Variants in KLHL32 observed in about 807,000 individuals in gnomAD.
KLHL32 encodes kelch like family member 32.
A neutral mutation model predicts 64.8 loss-of-function variants in KLHL32; 35 were observed. That is an observed-to-expected ratio of 0.54 (90% CI 0.41 to 0.72). KLHL32 has a LOEUF of 0.72. Among genes scored for constraint, KLHL32 ranks in the 30% least tolerant of loss-of-function variants. The pLI, the probability that KLHL32 is intolerant of heterozygous loss-of-function variation, is 0.00. For synonymous variants in KLHL32, 259 were observed against 281.0 expected (o/e 0.92, Z 0.78); for missense variants, 589 against 768.5 (o/e 0.77, Z 2.76).
At chr6:97,037,462 A>G (rs1248326463) in intron 3 of KLHL32, among the ~76,000 whole-genome samples, 1 of 152,186 alleles carries the variant, frequency 6.6e-6, no homozygotes, top group Admixed American at 6.5e-5. Context: ...TAAAATACCT[A>G]GGAATCAATT....
At chr6:97,063,141 A>C (rs1316387524) in intron 4 of KLHL32, among the ~76,000 whole-genome samples, 1 of 152,246 alleles carries the variant, frequency 6.6e-6, no homozygotes, top group Non-Finnish European at 1.5e-5. Context: ...TTATTAAAAC[A>C]GATAGTGTGA....
intron 4 of KLHL32, among the ~76,000 whole-genome samples, chr6:97,062,871 G>T (rs1789136240): frequency 1.3e-5 from 2 of 152,314 alleles, no homozygotes; most frequent in African/African-American, 2.4e-5. Context: ...GCTGTTCAGG[G>T]GTGGGTTACT....
chr6:97,128,753 CCTCT>C (rs1412972406), intron 8 of KLHL32, among the ~76,000 whole-genome samples: 2 of 152,340 alleles, frequency 1.3e-5, no homozygotes, highest in African/African-American at 2.4e-5. Flanking sequence ...CCCCACCAGG[CCTCT>C]CTGTTTCTTT....
At chr6:97,007,830 C>T (rs886924915) in intron 3 of KLHL32, among the ~76,000 whole-genome samples, 2 of 152,144 alleles carry the variant, frequency 1.3e-5, no homozygotes, top group Non-Finnish European at 2.9e-5. Context: ...TGTTCTCTGG[C>T]CCCTAAAGGT....
intron 5 of KLHL32, among the ~76,000 whole-genome samples, chr6:97,075,358 C>T (rs1047784844): frequency 6.6e-6 from 1 of 152,024 alleles, no homozygotes; most frequent in African/African-American, 2.4e-5. Flanking sequence ...ACAAAATATG[C>T]CTATATCTCT....
At chr6:96,922,679 A>G (rs1020063324), upstream of KLHL32, among the ~76,000 whole-genome samples, 1 of 152,176 alleles carries the variant, frequency 6.6e-6, no homozygotes, top group Non-Finnish European at 1.5e-5. Context: ...AGCTTTTGGG[A>G]AGTATTATTT....
intron 10 of KLHL32, among the ~76,000 whole-genome samples, chr6:97,135,458 A>AC (rs1250572588): frequency 2.0e-5 from 3 of 151,936 alleles, no homozygotes; most frequent in African/African-American, 7.3e-5. Flanking sequence ...GGCATGTGCC[A>AC]CCATGCCCAG....
chr6:97,130,329 T>C (rs1184920387), intron 8 of KLHL32, among the ~76,000 whole-genome samples: 1 of 152,128 alleles, frequency 6.6e-6, no homozygotes, highest in Non-Finnish European at 1.5e-5. Flanking sequence ...CACATACAAG[T>C]TATAAACCCA....
intron 4 of KLHL32, among the ~76,000 whole-genome samples, chr6:97,045,482 A>AT (rs147462598): frequency 0.25 from 38,188 of 150,762 alleles, 6,093 homozygotes; most frequent in African/African-American, 0.45. Context: ...TGAAATAGTA[A>AT]TTTTTTTTTT....
upstream of KLHL32, among the ~76,000 whole-genome samples, chr6:96,924,305 G>A (rs1401508269): frequency 6.6e-6 from 1 of 152,148 alleles, no homozygotes; most frequent in Non-Finnish European, 1.5e-5. Flanking sequence ...GAGTCTGGGG[G>A]CGAGCAGGCT....
chr6:96,986,026 A>G (rs888363700), intron 3 of KLHL32, among the ~76,000 whole-genome samples: 2 of 151,992 alleles, frequency 1.3e-5, no homozygotes, highest in African/African-American at 2.4e-5. Flanking sequence ...GTCTTTGATG[A>G]TGGTGACGTA....
chr6:97,026,469 G>T (rs1782733813), intron 3 of KLHL32, among the ~76,000 whole-genome samples: 1 of 152,184 alleles, frequency 6.6e-6, no homozygotes, highest in South Asian at 2.1e-4. Flanking sequence ...CAGGGAAATG[G>T]TTGCTTAGCA....
At chr6:96,941,804 C>A (rs1472610935) in intron 1 of KLHL32, among the ~76,000 whole-genome samples, 1 of 152,014 alleles carries the variant, frequency 6.6e-6, no homozygotes, top group Non-Finnish European at 1.5e-5. Context: ...AATGAGAAGA[C>A]CCCCAAGAAC....
chr6:97,026,446 A>C (rs1056199655), intron 3 of KLHL32, among the ~76,000 whole-genome samples: 1 of 152,118 alleles, frequency 6.6e-6, no homozygotes, highest in African/African-American at 2.4e-5. Flanking sequence ...CTGTTCTTAG[A>C]TTAGGAAGGT....
intron 10 of KLHL32, among the ~76,000 whole-genome samples, chr6:97,136,313 G>C (rs1311463383): frequency 6.6e-6 from 1 of 152,172 alleles, no homozygotes; most frequent in Non-Finnish European, 1.5e-5. Context: ...GATGAAGCAT[G>C]TCCAATGTTG....
chr6:97,098,211 C>T (rs904155031), intron 6 of KLHL32, among the ~76,000 whole-genome samples: 1 of 151,924 alleles, frequency 6.6e-6, no homozygotes, highest in Non-Finnish European at 1.5e-5. Context: ...AGCTTTGTAC[C>T]GCTTTCATGC....
intron 3 of KLHL32, among the ~76,000 whole-genome samples, chr6:96,976,663 A>G (rs899203869): frequency 2.6e-5 from 4 of 152,090 alleles, no homozygotes; most frequent in African/African-American, 9.7e-5. Flanking sequence ...CAATGGCGCA[A>G]TCTTGGCTCA....
chr6:97,107,057 C>T (rs775279787), intron 6 of KLHL32, among the ~76,000 whole-genome samples: 1 of 152,060 alleles, frequency 6.6e-6, no homozygotes, highest in East Asian at 1.9e-4. Context: ...CTTTGGGAGG[C>T]GAAGGCGGGC....
chr6:97,057,130 A>G (rs1302822104), intron 4 of KLHL32, among the ~76,000 whole-genome samples: 3 of 151,870 alleles, frequency 2.0e-5, no homozygotes, highest in Non-Finnish European at 4.4e-5. Context: ...GCGTAAATCT[A>G]ACAAAATATG....
Sources: gnomAD v4.1 joint callset for allele counts (sites outside exome capture counted in the v4.1 genomes callset) on GRCh38, gnomAD v4.1.1 for gene constraint, MANE v1.5 for transcripts, NCBI Gene and HGNC (gene_info 2026-07-23, HGNC 2026-07-21) for gene names.